The following SRGAP3 variants were observed in gnomAD, a reference collection of about 807,000 sequenced individuals.
SRGAP3 encodes SLIT-ROBO Rho GTPase-activating protein 3.
A neutral mutation model predicts 121.1 loss-of-function variants in SRGAP3; 39 were observed. The ratio of observed to expected loss-of-function variants is 0.32; its 90% CI spans 0.25 to 0.42. SRGAP3 has a LOEUF of 0.42. Among genes scored for constraint, SRGAP3 ranks in the 10% least tolerant of loss-of-function variants. The pLI is 1.00. For synonymous variants in SRGAP3, 601 were observed against 570.0 expected, an observed-to-expected ratio of 1.05 and a Z score of -0.77; for missense variants, 1,213 against 1,470.6, an observed-to-expected ratio of 0.82 and a Z score of 2.86.
At chr3:9,145,724 A>G (rs1468445483) in intron 1 of SRGAP3, among the ~76,000 whole-genome samples, 1 of 152,174 alleles carries the variant, frequency 6.6e-6, no homozygotes. Flanking sequence ...GAACATCAAG[A>G]AGGAAAGGAA....
intron 3 of SRGAP3, among the ~76,000 whole-genome samples, chr3:9,260,078 G>A (rs2125255623): frequency 6.6e-6 from 1 of 152,214 alleles, no homozygotes; most frequent in African/African-American, 2.4e-5. Context: ...GCCAAGGGAA[G>A]TCGTGAGGAA....
intron 3 of SRGAP3, among the ~76,000 whole-genome samples, chr3:9,279,771 C>T (rs1954645198): frequency 6.6e-6 from 1 of 152,072 alleles, no homozygotes; most frequent in African/African-American, 2.4e-5. Flanking sequence ...CCTCGGCCTC[C>T]CAAAGTGCTG....
At chr3:9,081,426 G>C in intron 3 of SRGAP3, 1 of 366,342 alleles carries the variant, frequency 2.7e-6, no homozygotes, top group Non-Finnish European at 5.3e-6. Flanking sequence ...TTCCCCCTTT[G>C]AGCCTCAGCT....
At chr3:9,015,985 C>T in intron 14 of SRGAP3, 1 of 524,952 alleles carries the variant, frequency 1.9e-6, no homozygotes, top group Non-Finnish European at 3.4e-6. Context: ...TACAACTCAT[C>T]TTGCCACATT....
chr3:9,032,540 T>C, intron 12 of SRGAP3, 110 bp downstream of exon 12: 1 of 991,494 alleles, frequency 1.0e-6, no homozygotes, highest in East Asian at 2.4e-5. Context: ...AGGAACTAGC[T>C]CCACAGGGCC....
chr3:9,339,732 C>A (rs975689689), intron 1 of SRGAP3, among the ~76,000 whole-genome samples: 1 of 152,192 alleles, frequency 6.6e-6, no homozygotes, highest in South Asian at 2.1e-4. Flanking sequence ...ATACACCTAA[C>A]CTAGGGGCTG....
At position 8,982,208 on chromosome 3, in the gene SRGAP3, G is replaced by A. The variant is rs779026879; in HGVS notation, c.*3311C>T. 12 of 225,322 alleles carry A rather than the reference G, an allele frequency of 5.3e-5. No individual in the cohort carries two copies. The highest frequency in any genetic ancestry group is 9.7e-5 in the Non-Finnish European group (11 of 112,970). The allele number at this position is 225,322 out of a possible 1,614,324, so 14.0% of individuals were successfully genotyped here. ...GGTTCATTCCTAGAATAGACTGAAC[G>A]TCGGTTACACATAAAGACAAAAGGC... On this transcript the variant is annotated 3_prime_UTR_variant, in exon 22 of 22. Coordinates refer to ENST00000383836, the MANE Select transcript of SRGAP3 (RefSeq NM_014850.4).
rs997465941 is a variant in SRGAP3, at chr3:9,138,085, T to C, written c.68-13168A>G. Among the ~76,000 whole-genome samples, 19 of 152,260 alleles carry C rather than the reference T, an allele frequency of 1.2e-4. 1 individual carries two copies. The highest frequency in any genetic ancestry group is 5.9e-5 in the Non-Finnish European group (4 of 68,038). On this transcript the variant is annotated intron_variant, in intron 1 of 21. Coordinates refer to ENST00000383836, the MANE Select transcript of SRGAP3 (RefSeq NM_014850.4). ...ATGTTTATCTTTATGTTTTTAATCA[T>C]ACTTTCCTCCCAGAGCTAAAATAGA... is the stretch of plus-strand genomic sequence containing the variant.
At chr3:9,327,247 C>T (rs1178343761) in intron 2 of SRGAP3, among the ~76,000 whole-genome samples, 1 of 151,728 alleles carries the variant, frequency 6.6e-6, no homozygotes, top group Non-Finnish European at 1.5e-5. Context: ...CTCTGTTGTA[C>T]TTTTATTCCA....
chr3:9,079,737 T>A (rs1947151442), intron 4 of SRGAP3, among the ~76,000 whole-genome samples: 1 of 152,168 alleles, frequency 6.6e-6, no homozygotes, highest in East Asian at 1.9e-4. Context: ...CGGCCTTGAC[T>A]TTGTGCCCTC....
rs1553692731 is a variant in SRGAP3, at chr3:9,214,141, CAT to C, written c.67+34742_67+34743del. Among the ~76,000 whole-genome samples the C allele has an allele frequency of 2.9e-4, 44 of 151,808 alleles. No individual in the cohort carries two copies. In the South Asian group the frequency reaches 3.1e-3, roughly 11 times the overall value. ...CAACACACACACACACACACACACA[CAT>C]GCACACACACACACAAGAATATAAG... On this transcript the variant is annotated intron_variant, in intron 1 of 21. Transcript: ENST00000383836.
chr3:9,315,285 G>T (rs926974504), intron 3 of SRGAP3, among the ~76,000 whole-genome samples: 2 of 152,178 alleles, frequency 1.3e-5, no homozygotes, highest in Non-Finnish European at 2.9e-5. Context: ...GAGGGCCCCT[G>T]CCTCTCTCCC....
At chr3:9,267,890 C>T (rs1954397300) in intron 3 of SRGAP3, among the ~76,000 whole-genome samples, 1 of 152,180 alleles carries the variant, frequency 6.6e-6, no homozygotes, top group Non-Finnish European at 1.5e-5. Flanking sequence ...TCTACATTAT[C>T]TCAGGGAATC....
At chr3:9,136,809 C>T (rs1417980419) in intron 1 of SRGAP3, among the ~76,000 whole-genome samples, 1 of 152,204 alleles carries the variant, frequency 6.6e-6, no homozygotes, top group Non-Finnish European at 1.5e-5. Context: ...CTGATCCCCA[C>T]GGTTCCTGCG....
At chr3:9,075,310 A>T (rs1367731556) in intron 4 of SRGAP3, among the ~76,000 whole-genome samples, 1 of 152,238 alleles carries the variant, frequency 6.6e-6, no homozygotes, top group Non-Finnish European at 1.5e-5. Flanking sequence ...ATGTACATAC[A>T]AGCACGTGAA....
intron 12 of SRGAP3, among the ~76,000 whole-genome samples, chr3:9,027,269 G>A (rs113922455): frequency 2.7e-4 from 41 of 152,336 alleles, no homozygotes; most frequent in African/African-American, 9.1e-4. Flanking sequence ...AGGCCTGGCA[G>A]GCCCACTTGG....
intron 1 of SRGAP3, among the ~76,000 whole-genome samples, chr3:9,237,852 T>C (rs964094998): frequency 1.3e-5 from 2 of 152,220 alleles, no homozygotes; most frequent in African/African-American, 2.4e-5. Flanking sequence ...GGAAGTGACA[T>C]GGCCAGATTT....
chr3:9,049,351 T>C (rs1386300137), intron 9 of SRGAP3: 6 of 455,642 alleles, frequency 1.3e-5, no homozygotes, highest in Non-Finnish European at 2.6e-5. Context: ...ACCTGGCCTA[T>C]TGGCCATTAA....
rs975075578 is a variant in SRGAP3, at chr3:8,984,972, G to A, written c.*547C>T. ...CCCTGCAAATCCCACCAAATAACTCGGTGGGAGATGTTTGGTGGCATGGAT... is the reference window on the plus strand; with the variant it reads ...CCCTGCAAATCCCACCAAATAACTCAGTGGGAGATGTTTGGTGGCATGGAT... On this transcript the variant is annotated 3_prime_UTR_variant, in exon 22 of 22. Coordinates refer to ENST00000383836, the MANE Select transcript of SRGAP3 (RefSeq NM_014850.4). 5 of 228,154 alleles carry A rather than the reference G, an allele frequency of 2.2e-5. No individual in the cohort carries two copies. The highest frequency in any genetic ancestry group is 5.7e-5 in the Admixed American group (1 of 17,560). 14.1% of individuals were successfully genotyped at this position (228,154 alleles called of 1,614,324 possible). A position where few individuals can be genotyped will look rare whatever the true frequency, so the allele number is the denominator to read the frequency against.
Sources: gnomAD v4.1 joint callset for allele counts (sites outside exome capture counted in the v4.1 genomes callset) on GRCh38, gnomAD v4.1.1 for gene constraint, MANE v1.5 for transcripts, NCBI Gene and HGNC (gene_info 2026-07-23, HGNC 2026-07-21) for gene names.